PTPRT: variants seen among roughly 807,000 people sequenced by gnomAD.
PTPRT encodes the protein receptor-type tyrosine-protein phosphatase T.
In PTPRT, 56 loss-of-function variants were observed where a neutral mutation model predicts 176.8. That is an observed-to-expected ratio of 0.32 (90% CI 0.26 to 0.40). The LOEUF (loss-of-function observed/expected upper bound fraction) is 0.40. Ranked by LOEUF, PTPRT falls within the 10% of genes least tolerant of loss-of-function variation. The pLI, the probability that PTPRT is intolerant of heterozygous loss-of-function variation, is 1.00. For missense variants in PTPRT, 1,540 were observed against 1,908.2 expected (o/e 0.81, Z 3.60); for synonymous variants, 783 against 739.0 (o/e 1.06, Z -0.96).
At chr20:43,047,177 T>A (rs1488384059) in intron 1 of PTPRT, among the ~76,000 whole-genome samples, 2 of 151,962 alleles carry the variant, frequency 1.3e-5, no homozygotes, top group African/African-American at 4.8e-5. Flanking sequence ...ATGCTTCTCA[T>A]GTTTCATCTT....
intron 6 of PTPRT, among the ~76,000 whole-genome samples, chr20:42,730,414 T>A (rs993523193): frequency 6.6e-6 from 1 of 151,994 alleles, no homozygotes; most frequent in African/African-American, 2.4e-5. Context: ...CCTGGGAAAG[T>A]GTTAGAAGCA....
intron 27 of PTPRT, among the ~76,000 whole-genome samples, chr20:42,089,618 G>C (rs775454041): frequency 6.6e-6 from 1 of 152,170 alleles, no homozygotes; most frequent in Non-Finnish European, 1.5e-5. Context: ...AGAGGGCTGG[G>C]GAAGGTTGCA....
intron 1 of PTPRT, among the ~76,000 whole-genome samples, chr20:43,058,516 C>T (rs1317032657): frequency 6.6e-6 from 1 of 152,156 alleles, no homozygotes; most frequent in African/African-American, 2.4e-5. Context: ...AAATGGATTC[C>T]AAATTTTAAC....
intron 7 of PTPRT, among the ~76,000 whole-genome samples, chr20:42,488,207 C>A (rs561536801): frequency 5.9e-5 from 9 of 152,326 alleles, no homozygotes; most frequent in African/African-American, 2.2e-4. Context: ...TGTAGTAGAC[C>A]TTCTCAGGTG....
At chr20:42,980,256 C>T (rs919922552) in intron 1 of PTPRT, among the ~76,000 whole-genome samples, 2 of 152,016 alleles carry the variant, frequency 1.3e-5, no homozygotes, top group Admixed American at 1.3e-4. Flanking sequence ...TGGTGCAAAA[C>T]CTTGGAAAAT....
chr20:42,110,383 C>T lies in PTPRT; in HGVS notation c.3204G>A (p.Gln1068=), dbSNP rs1397504865. The change falls in exon 23 of 31, where the codon CAG becomes CAA. Residue 1068 remains glutamine, a synonymous_variant. Coordinates refer to ENST00000373187, the MANE Select transcript of PTPRT (RefSeq NM_007050.6). The part of the protein sequence containing the change: ...YATGLLGFVR[Q]VKFLNPPEAG... ...CTTCCGGGGGGTTGAGGAACTTGAC[C>T]TGGCGGACGAAGCCCAGAAGGCCAG... 6.2e-7 allele frequency: 1 copy of T among 1,612,780 alleles called. No homozygotes were observed. Among genetic ancestry groups the T allele is most frequent in the Non-Finnish European group, 8.5e-7 (1 of 1,178,976 alleles).
chr20:42,321,857 G>A (rs2057802499), intron 11 of PTPRT, among the ~76,000 whole-genome samples: 1 of 152,192 alleles, frequency 6.6e-6, no homozygotes, highest in African/African-American at 2.4e-5. Flanking sequence ...GCCAAGGCGG[G>A]TGGATCATGA....
intron 13 of PTPRT, among the ~76,000 whole-genome samples, chr20:42,269,305 T>C (rs1229189178): frequency 6.6e-6 from 1 of 152,202 alleles, no homozygotes; most frequent in Admixed American, 6.5e-5. Flanking sequence ...AGGAGTGAAC[T>C]GTGAAGGTAC....
chr20:42,772,454 G>A lies in PTPRT; in HGVS notation c.569-904C>T, dbSNP rs188177317. On this transcript the variant is annotated intron_variant, in intron 4 of 30. Coordinates refer to ENST00000373187, the MANE Select transcript of PTPRT (RefSeq NM_007050.6). ...AAGGGTCTTTCAAATGAAAATCAGG[G>A]TGTGTATGAGCAGACAATCTTCGGA... is the stretch of plus-strand genomic sequence containing the variant. Among the ~76,000 whole-genome samples the A allele has an allele frequency of 1.4e-3, 209 of 152,222 alleles. 1 individual carries two copies. Among genetic ancestry groups the A allele is most frequent in the African/African-American group, 4.8e-3 (200 of 41,514 alleles).
intron 14 of PTPRT, among the ~76,000 whole-genome samples, chr20:42,244,296 T>C (rs1184325325): frequency 6.6e-6 from 1 of 152,168 alleles, no homozygotes. Flanking sequence ...TAACCAGAGA[T>C]GCATATAAAA....
intron 1 of PTPRT, among the ~76,000 whole-genome samples, chr20:43,188,752 G>GGGT (rs1555845645): frequency 7.4e-6 from 1 of 135,826 alleles, no homozygotes; most frequent in Non-Finnish European, 1.7e-5. Flanking sequence ...CTACTCTTGG[G>GGGT]GGGGGGGGGG....
chr20:42,053,303 G>A, the PTPRT span, among the ~76,000 whole-genome samples: 1 of 152,166 alleles, frequency 6.6e-6, no homozygotes, highest in East Asian at 1.9e-4. Flanking sequence ...CAGTGTACAG[G>A]TCATCTCCTT....
chr20:42,170,023 G>A (rs192088561), intron 16 of PTPRT, among the ~76,000 whole-genome samples: 4 of 152,172 alleles, frequency 2.6e-5, no homozygotes, highest in Non-Finnish European at 4.4e-5. Context: ...TTCTAGGAAA[G>A]GTTCTCTTAT....
intron 16 of PTPRT, among the ~76,000 whole-genome samples, chr20:42,172,287 G>C (rs989667189): frequency 6.6e-6 from 1 of 152,046 alleles, no homozygotes; most frequent in Non-Finnish European, 1.5e-5. Context: ...AACAGCAAAA[G>C]CTGGCTCTTT....
chr20:42,106,045 G>A lies in PTPRT; in HGVS notation c.3390+741C>T, dbSNP rs921972691. On this transcript the variant is annotated intron_variant, in intron 24 of 30. Coordinates refer to ENST00000373187, the MANE Select transcript of PTPRT (RefSeq NM_007050.6). ...GAGGCCTTTGGGGGTCACATGGACC[G>A]AAGTTCTACCACAGTCTGGTATGTG... is the stretch of plus-strand genomic sequence containing the variant. 5.3e-5 allele frequency among the ~76,000 whole-genome samples: 8 copies of A among 152,316 alleles called. No homozygotes were observed. In the South Asian group the frequency reaches 6.2e-4, roughly 12 times the overall value.
the PTPRT span, among the ~76,000 whole-genome samples, chr20:42,033,697 A>AT: frequency 6.6e-6 from 1 of 152,046 alleles, no homozygotes; most frequent in South Asian, 2.1e-4. Flanking sequence ...CTCTGAGTTC[A>AT]TTTTTTTCAG....
intron 1 of PTPRT, among the ~76,000 whole-genome samples, chr20:43,040,055 AAAG>A (rs1330447096): frequency 6.6e-6 from 1 of 152,138 alleles, no homozygotes; most frequent in Non-Finnish European, 1.5e-5. Flanking sequence ...AAAAAGGAAT[AAAG>A]AAGAAGAAAG....
chr20:42,846,983 C>G (rs571889670), intron 2 of PTPRT, among the ~76,000 whole-genome samples: 1 of 152,316 alleles, frequency 6.6e-6, no homozygotes, highest in South Asian at 2.1e-4. Flanking sequence ...TGGGGCCATT[C>G]TATGCCTGTG....
chr20:42,110,609 T>G (rs760028339), intron 22 of PTPRT, 122 bp from the exon 23 acceptor site: 19 of 1,036,226 alleles, frequency 1.8e-5, no homozygotes, highest in Non-Finnish European at 2.6e-5. Flanking sequence ...CTCACAGTGT[T>G]TGTTAATAGG....
Sources: gnomAD v4.1 joint callset for allele counts (sites outside exome capture counted in the v4.1 genomes callset) on GRCh38, gnomAD v4.1.1 for gene constraint, MANE v1.5 for transcripts, NCBI Gene and HGNC (gene_info 2026-07-23, HGNC 2026-07-21) for gene names.